TFB2M: variants seen among roughly 807,000 people sequenced by gnomAD.
TFB2M encodes transcription factor B2, mitochondrial.
A neutral mutation model predicts 41.3 loss-of-function variants in TFB2M; 44 were observed. That is an observed-to-expected ratio of 1.07 (90% CI 0.84 to 1.37). The LOEUF (loss-of-function observed/expected upper bound fraction) is 1.37. Among genes scored for constraint, TFB2M ranks in the 40% most tolerant of loss-of-function variants. The pLI is 0.00. For synonymous variants in TFB2M, 188 were observed against 176.8 expected, an observed-to-expected ratio of 1.06 and a Z score of -0.50; for missense variants, 496 against 490.2, an observed-to-expected ratio of 1.01 and a Z score of -0.11.
chr1:246,562,547 G>A (rs1380690953), intron 2 of TFB2M, among the ~76,000 whole-genome samples: 4 of 152,186 alleles, frequency 2.6e-5, no homozygotes, highest in African/African-American at 9.7e-5. Flanking sequence ...TCTGTGACAG[G>A]CTTGCAGTGA....
intron 4 of TFB2M, among the ~76,000 whole-genome samples, chr1:246,555,799 T>C (rs1425852722): frequency 6.7e-6 from 1 of 148,878 alleles, no homozygotes; most frequent in East Asian, 2.0e-4. Flanking sequence ...ATACAATAGA[T>C]TTTTTTTTTG....
rs546233717 is a variant in TFB2M, at chr1:246,564,092, T to A, written c.402+254A>T. Among the ~76,000 whole-genome samples, 6 of 152,354 alleles carry A rather than the reference T, an allele frequency of 3.9e-5. No individual in the cohort carries two copies. The South Asian group carries it at 1.2e-3, about 32-fold the overall frequency. ...AAGCCTAGGGATGCCAGTTATACGC[T>A]TTGTTCAAAGTCACCCAACTAGGCT... On this transcript the variant is annotated intron_variant, in intron 2 of 7. Transcript: ENST00000366514.
At chr1:246,561,626 C>A (rs1302149327) in intron 2 of TFB2M, among the ~76,000 whole-genome samples, 1 of 152,162 alleles carries the variant, frequency 6.6e-6, no homozygotes, top group African/African-American at 2.4e-5. Context: ...AACCACCATG[C>A]CCAGCTAATT....
intron 6 of TFB2M, among the ~76,000 whole-genome samples, chr1:246,547,628 G>A (rs1162594563): frequency 6.6e-6 from 1 of 150,382 alleles, no homozygotes; most frequent in African/African-American, 2.4e-5. Context: ...AGACTAAGCT[G>A]TTATGCTGAG....
At chr1:246,558,338 G>A (rs184491765) in intron 2 of TFB2M, among the ~76,000 whole-genome samples, 23 of 151,838 alleles carry the variant, frequency 1.5e-4, no homozygotes, top group Admixed American at 1.5e-3. Context: ...GTAGCAACAG[G>A]GTTTTGCCAT....
At chr1:246,559,627 G>A (rs1659408046) in intron 2 of TFB2M, among the ~76,000 whole-genome samples, 1 of 152,176 alleles carries the variant, frequency 6.6e-6, no homozygotes, top group Admixed American at 6.5e-5. Context: ...TAGAGGAAGG[G>A]AAAGACTGGG....
At chr1:246,561,304 A>C (rs1262319193) in intron 2 of TFB2M, among the ~76,000 whole-genome samples, 5 of 152,216 alleles carry the variant, frequency 3.3e-5, no homozygotes, top group Non-Finnish European at 5.9e-5. Context: ...CTAATCAAAG[A>C]CTGGATTTAG....
chr1:246,543,611 C>T (rs1658918298), intron 7 of TFB2M, among the ~76,000 whole-genome samples: 1 of 152,052 alleles, frequency 6.6e-6, no homozygotes, highest in Non-Finnish European at 1.5e-5. Flanking sequence ...GCACTACTTA[C>T]AGAGGTGTGT....
chr1:246,564,365 G>T lies in TFB2M; in HGVS notation c.383C>A (p.Thr128Asn). 2 of 1,614,070 alleles carry T rather than the reference G, an allele frequency of 1.2e-6. No individual in the cohort carries two copies. The highest frequency in any genetic ancestry group is 1.7e-6 in the Non-Finnish European group (2 of 1,179,954). Residue 128 changes from threonine to asparagine, a missense_variant, in exon 2 of 8, where the codon ACT (threonine) becomes AAT (asparagine). By Grantham distance (65) the Thr-to-Asn change is moderately conservative. Coordinates refer to ENST00000366514, the MANE Select transcript of TFB2M (RefSeq NM_022366.3). Reference protein sequence around the residue: ...AKVVALESDKTFIPHLESLGK... With the variant: ...AKVVALESDKNFIPHLESLGK... Reference sequence around the variant, plus strand: ...ATATACCTCCAAATGTGGAATAAAAGTTTTGTCACTTTCGAGCGCAACCAC... The same window carrying T: ...ATATACCTCCAAATGTGGAATAAAATTTTTGTCACTTTCGAGCGCAACCAC...
chr1:246,563,604 T>TA (rs755009707), intron 2 of TFB2M, among the ~76,000 whole-genome samples: 8,750 of 138,100 alleles, frequency 0.063, 305 homozygotes, highest in Non-Finnish European at 0.089. Flanking sequence ...AACTCCATCT[T>TA]AAAAAAAAAA....
chr1:246,557,292 A>G, intron 3 of TFB2M, 89 bp downstream of exon 3: 2 of 1,441,532 alleles, frequency 1.4e-6, no homozygotes, highest in Non-Finnish European at 9.4e-7. Context: ...ACAAATAAAT[A>G]AAACACAAAT....
chr1:246,552,772 C>T (rs907228217), intron 4 of TFB2M, among the ~76,000 whole-genome samples: 3 of 151,656 alleles, frequency 2.0e-5, no homozygotes, highest in African/African-American at 7.3e-5. Context: ...AAAAAAAATC[C>T]TGTTAAAACT....
intron 2 of TFB2M, among the ~76,000 whole-genome samples, chr1:246,562,960 C>T (rs184767477): frequency 1.8e-3 from 267 of 152,192 alleles, no homozygotes; most frequent in African/African-American, 6.2e-3. Flanking sequence ...GCCCGGCCCA[C>T]AGGAAACATT....
chr1:246,558,946 G>C (rs1659390342), intron 2 of TFB2M, among the ~76,000 whole-genome samples: 2 of 151,984 alleles, frequency 1.3e-5, no homozygotes, highest in African/African-American at 4.8e-5. Context: ...CAGTAAGAAG[G>C]CATTATGTTT....
At chr1:246,564,876 C>T (rs1050681377) in intron 1 of TFB2M, among the ~76,000 whole-genome samples, 3 of 152,178 alleles carry the variant, frequency 2.0e-5, no homozygotes, top group African/African-American at 7.2e-5. Flanking sequence ...GACGGAGTTT[C>T]ACCATGTTGG....
At chr1:246,563,923 T>C (rs1458618517) in intron 2 of TFB2M, among the ~76,000 whole-genome samples, 1 of 151,994 alleles carries the variant, frequency 6.6e-6, no homozygotes, top group Non-Finnish European at 1.5e-5. Context: ...AAATACTTAA[T>C]TTGTATGCCA....
intron 6 of TFB2M, among the ~76,000 whole-genome samples, chr1:246,547,000 T>C (rs1474435937): frequency 1.4e-5 from 2 of 142,824 alleles, no homozygotes; most frequent in Admixed American, 1.3e-4. Flanking sequence ...TTTTTTTTTT[T>C]TGAGACAAAG....
chr1:246,555,993 G>C (rs1572089746), intron 4 of TFB2M, among the ~76,000 whole-genome samples: 2 of 152,212 alleles, frequency 1.3e-5, no homozygotes, highest in East Asian at 3.9e-4. Flanking sequence ...GTTTTGCCAT[G>C]TTAGCCAAAC....
chr1:246,548,709 T>C (rs1659091309), intron 5 of TFB2M, 102 bp from the exon 6 acceptor site: 3 of 1,011,808 alleles, frequency 3.0e-6, no homozygotes, highest in African/African-American at 1.6e-5. Flanking sequence ...AATAAGAGAA[T>C]GGTCAGTCTA....
Sources: allele counts gnomAD v4.1 joint callset (sites outside exome capture counted in the v4.1 genomes callset), GRCh38; gene constraint gnomAD v4.1.1; transcripts MANE v1.5; gene names NCBI Gene and HGNC (gene_info 2026-07-23, HGNC 2026-07-21).